CTNNA3: variants seen among roughly 807,000 people sequenced by gnomAD.
CTNNA3 encodes the protein catenin alpha-3.
A neutral mutation model predicts 95.7 loss-of-function variants in CTNNA3; 76 were observed. The ratio of observed to expected loss-of-function variants is 0.79; its 90% CI spans 0.66 to 0.96. CTNNA3 has a LOEUF of 0.96. Ranked by LOEUF, CTNNA3 falls within the 40% of genes least tolerant of loss-of-function variation. CTNNA3 has a pLI of 0.00. For synonymous variants in CTNNA3, 431 were observed against 374.4 expected, an observed-to-expected ratio of 1.15 and a Z score of -1.74; for missense variants, 1,191 against 1,089.8, an observed-to-expected ratio of 1.09 and a Z score of -1.31.
chr10:66,510,776 G>C (rs184037199), intron 11 of CTNNA3, among the ~76,000 whole-genome samples: 1 of 151,894 alleles, frequency 6.6e-6, no homozygotes, highest in Admixed American at 6.6e-5. Context: ...TTGACGTGCT[G>C]TTGGGTTCTA....
chr10:66,500,831 T>G (rs1840255193), intron 11 of CTNNA3, among the ~76,000 whole-genome samples: 1 of 152,090 alleles, frequency 6.6e-6, no homozygotes, highest in African/African-American at 2.4e-5. Context: ...AATTATAAGG[T>G]TATGGGGGAT....
chr10:66,184,721 G>T (rs2086239723), intron 13 of CTNNA3, among the ~76,000 whole-genome samples: 1 of 152,028 alleles, frequency 6.6e-6, no homozygotes, highest in African/African-American at 2.4e-5. Flanking sequence ...CCAATGTTGT[G>T]CTTATCAGTA....
chr10:66,317,606 G>T lies in CTNNA3; in HGVS notation c.1733-36985C>A, dbSNP rs759998521. Among the ~76,000 whole-genome samples, 4 of 151,858 alleles carry T rather than the reference G, an allele frequency of 2.6e-5. 1 individual carries two copies. Among genetic ancestry groups the T allele is most frequent in the Non-Finnish European group, 5.9e-5 (4 of 67,926 alleles). On this transcript the variant is annotated intron_variant, in intron 12 of 17. Transcript: ENST00000433211. ...GAGAATTATTTGAACCCAGGAGGTG[G>T]AGGTTGTAGTGAGCTGAGATCACTC...
intron 5 of CTNNA3, among the ~76,000 whole-genome samples, chr10:67,370,869 GT>G (rs58583527): frequency 0.029 from 3,949 of 136,242 alleles, 96 homozygotes; most frequent in African/African-American, 0.098. Flanking sequence ...AGTTTTTTTT[GT>G]TTTTTTTTTT....
At chr10:67,754,290 A>C (rs115738642) in intron 1 of CTNNA3, among the ~76,000 whole-genome samples, 2,506 of 152,086 alleles carry the variant, frequency 0.016, 73 homozygotes, top group African/African-American at 0.058. Context: ...GAAACAACAC[A>C]CACTAGAGCC....
intron 13 of CTNNA3, among the ~76,000 whole-genome samples, chr10:66,227,908 A>T (rs749852659): frequency 6.6e-6 from 1 of 152,072 alleles, no homozygotes; most frequent in Non-Finnish European, 1.5e-5. Context: ...TCGAAGGTGG[A>T]TGTATCCAAA....
At chr10:67,093,186 C>A (rs1857758003) in intron 7 of CTNNA3, among the ~76,000 whole-genome samples, 1 of 151,844 alleles carries the variant, frequency 6.6e-6, no homozygotes, top group Non-Finnish European at 1.5e-5. Context: ...AGCCTTCCAA[C>A]AAAAGATCTG....
At chr10:66,922,248 A>G (rs1380494939) in intron 7 of CTNNA3, among the ~76,000 whole-genome samples, 1 of 152,258 alleles carries the variant, frequency 6.6e-6, no homozygotes, top group African/African-American at 2.4e-5. Context: ...TATTAAGTGC[A>G]AAAGAAGTTG....
chr10:65,988,710 A>T lies in CTNNA3; in HGVS notation c.2247T>A (p.Ala749=), dbSNP rs765850926. 6.2e-7 allele frequency: 1 copy of T among 1,613,810 alleles called. No individual in the cohort carries two copies. Among genetic ancestry groups the T allele is most frequent in the South Asian group, 1.1e-5 (1 of 91,074 alleles). Residue 749 remains alanine, a synonymous_variant, in exon 16 of 18, where the codon GCT becomes GCA. Transcript: ENST00000433211. ...SESGSRMDVL[A]RQIANQCPDP... ...AACTCACCTGATTAGCAATCTGCCG[A>T]GCAAGGACATCCATCCTTGATCCTG...
chr10:67,437,215 T>C (rs749375942), intron 5 of CTNNA3, among the ~76,000 whole-genome samples: 2 of 152,110 alleles, frequency 1.3e-5, no homozygotes, highest in Non-Finnish European at 2.9e-5. Flanking sequence ...GTGAAGTAAC[T>C]CAGGGATGGA....
At chr10:65,951,816 T>A (rs1789360286) in intron 17 of CTNNA3, among the ~76,000 whole-genome samples, 1 of 152,006 alleles carries the variant, frequency 6.6e-6, no homozygotes, top group African/African-American at 2.4e-5. Flanking sequence ...GACCACGAGG[T>A]CAGGAGATCG....
intron 9 of CTNNA3, among the ~76,000 whole-genome samples, chr10:66,749,828 C>T (rs1459280094): frequency 6.6e-6 from 1 of 152,178 alleles, no homozygotes; most frequent in Non-Finnish European, 1.5e-5. Flanking sequence ...AATTGCATTC[C>T]CACCAGCAAT....
intron 16 of CTNNA3, among the ~76,000 whole-genome samples, chr10:65,975,391 GAAAA>G (rs1328716258): frequency 6.6e-6 from 1 of 151,880 alleles, no homozygotes; most frequent in African/African-American, 2.4e-5. Context: ...AGAAAGAAAA[GAAAA>G]AGAAAGAGGG....
chr10:66,609,279 T>C (rs1342760169), intron 10 of CTNNA3, among the ~76,000 whole-genome samples: 1 of 150,384 alleles, frequency 6.6e-6, no homozygotes, highest in Non-Finnish European at 1.5e-5. Context: ...GCCAGGCTGA[T>C]CTTGAACTCC....
chr10:66,012,752 A>G (rs1421364643), intron 15 of CTNNA3, among the ~76,000 whole-genome samples: 1 of 152,220 alleles, frequency 6.6e-6, no homozygotes, highest in African/African-American at 2.4e-5. Context: ...TTCGCACTGC[A>G]TATTTCCACA....
chr10:67,477,435 C>T (rs1332491976), intron 5 of CTNNA3, among the ~76,000 whole-genome samples: 2 of 152,112 alleles, frequency 1.3e-5, no homozygotes, highest in Non-Finnish European at 2.9e-5. Context: ...GAGCTTCTCC[C>T]AGTAAACAAT....
intron 5 of CTNNA3, among the ~76,000 whole-genome samples, chr10:67,368,180 TAGA>T (rs141322017): frequency 0.011 from 1,623 of 152,310 alleles, 25 homozygotes; most frequent in African/African-American, 0.033. Context: ...TACAACTTGA[TAGA>T]AGGACAAACA....
chr10:66,398,043 T>G (rs1227968185), intron 11 of CTNNA3, among the ~76,000 whole-genome samples: 1 of 151,882 alleles, frequency 6.6e-6, no homozygotes, highest in African/African-American at 2.4e-5. Context: ...AGAGTAATAT[T>G]TATATAAAAG....
intron 10 of CTNNA3, among the ~76,000 whole-genome samples, chr10:66,604,446 C>T (rs899926969): frequency 3.3e-5 from 5 of 152,088 alleles, no homozygotes; most frequent in Non-Finnish European, 7.4e-5. Flanking sequence ...AGCCGATGAG[C>T]GTGCACCCTG....
Sources: gnomAD v4.1 joint callset for allele counts (sites outside exome capture counted in the v4.1 genomes callset) on GRCh38, gnomAD v4.1.1 for gene constraint, MANE v1.5 for transcripts, NCBI Gene and HGNC (gene_info 2026-07-23, HGNC 2026-07-21) for gene names.